The following ST8SIA1 variants were observed in gnomAD, a reference collection of about 807,000 sequenced individuals.
ST8SIA1 encodes ST8 alpha-N-acetyl-neuraminide alpha-2,8-sialyltransferase 1.
A neutral mutation model predicts 35.9 loss-of-function variants in ST8SIA1; 16 were observed. The ratio of observed to expected loss-of-function variants is 0.45; its 90% CI spans 0.30 to 0.68. The LOEUF (loss-of-function observed/expected upper bound fraction) is 0.68. Ranked by LOEUF, ST8SIA1 falls within the 30% of genes least tolerant of loss-of-function variation. The pLI is 0.09. For missense variants in ST8SIA1, 383 were observed against 453.6 expected (o/e 0.84, Z 1.41); for synonymous variants, 170 against 169.6 (o/e 1.00, Z -0.02).
rs537473651 is a variant in ST8SIA1 at position 22,334,293 on chromosome 12, C to T, written c.-61G>A. The T allele has an allele frequency of 1.7e-5, 24 of 1,383,420 alleles. No individual in the cohort carries two copies. The African/African-American group carries it at 3.4e-4, about 20-fold the overall frequency. The allele number at this position is 1,383,420 out of a possible 1,614,324, so 85.7% of individuals were successfully genotyped here. A position where few individuals can be genotyped will look rare whatever the true frequency, so the allele number is the denominator to read the frequency against. On this transcript the variant is annotated 5_prime_UTR_variant, in exon 1 of 5. Coordinates refer to ENST00000396037, the MANE Select transcript of ST8SIA1 (RefSeq NM_003034.4). ...CTCAGCACAAAGCTAGGCGAAGTGG[C>T]AGCGGAGGGTCCCCCACCGCCAGCC...
chr12:22,217,209 T>C (rs1170229201), intron 4 of ST8SIA1, among the ~76,000 whole-genome samples: 1 of 152,238 alleles, frequency 6.6e-6, no homozygotes, highest in Non-Finnish European at 1.5e-5. Context: ...TCATCTCTTA[T>C]GGTCTCTCCC....
chr12:22,280,073 C>A (rs1866015862), intron 2 of ST8SIA1, among the ~76,000 whole-genome samples: 1 of 152,116 alleles, frequency 6.6e-6, no homozygotes, highest in African/African-American at 2.4e-5. Context: ...ATTAATTAAG[C>A]CAGAGAAAAT....
At chr12:22,306,296 T>A (rs1316460303) in intron 1 of ST8SIA1, among the ~76,000 whole-genome samples, 1 of 152,190 alleles carries the variant, frequency 6.6e-6, no homozygotes, top group African/African-American at 2.4e-5. Flanking sequence ...CTTGGCAAAA[T>A]CAACTTTCTA....
chr12:22,323,656 CATGGAATACT>C (rs1360364344), intron 1 of ST8SIA1, among the ~76,000 whole-genome samples: 1 of 152,172 alleles, frequency 6.6e-6, no homozygotes, highest in African/African-American at 2.4e-5. Context: ...ACGTATACAC[CATGGAATACT>C]ATGCAGCCAT....
At chr12:22,312,902 T>A (rs1866470194) in intron 1 of ST8SIA1, among the ~76,000 whole-genome samples, 1 of 152,182 alleles carries the variant, frequency 6.6e-6, no homozygotes, top group Non-Finnish European at 1.5e-5. Flanking sequence ...CTTTCATTTC[T>A]TGTGAATTAC....
intron 2 of ST8SIA1, among the ~76,000 whole-genome samples, chr12:22,260,406 C>T (rs773004526): frequency 1.3e-5 from 2 of 152,152 alleles, no homozygotes; most frequent in African/African-American, 2.4e-5. Flanking sequence ...GCAGTCTGCT[C>T]GCCTCAGCGT....
intron 1 of ST8SIA1, among the ~76,000 whole-genome samples, chr12:22,303,800 C>T (rs1183823334): frequency 6.7e-6 from 1 of 149,636 alleles, no homozygotes; most frequent in East Asian, 2.0e-4. Context: ...TGGGAAAAGG[C>T]CTCTGAAGTG....
chr12:22,325,296 T>C, intron 1 of ST8SIA1: 3 of 589,220 alleles, frequency 5.1e-6, no homozygotes, highest in East Asian at 2.9e-5. Flanking sequence ...AAGGCCCTTT[T>C]CTCATTGTGG....
chr12:22,280,141 G>A (rs1035606553), intron 2 of ST8SIA1, among the ~76,000 whole-genome samples: 1 of 152,224 alleles, frequency 6.6e-6, no homozygotes, highest in African/African-American at 2.4e-5. Context: ...GCATTTAAGC[G>A]ACTCCTAATA....
intron 4 of ST8SIA1, among the ~76,000 whole-genome samples, chr12:22,238,170 C>A (rs577401085): frequency 5.9e-5 from 9 of 152,158 alleles, no homozygotes; most frequent in East Asian, 3.9e-4. Context: ...AACTCCCCCC[C>A]CAACAAGAGG....
intron 1 of ST8SIA1, among the ~76,000 whole-genome samples, chr12:22,326,768 A>C (rs1166421322): frequency 5.3e-5 from 8 of 152,208 alleles, no homozygotes; most frequent in African/African-American, 1.9e-4. Flanking sequence ...GATGCAACAA[A>C]GGTACAGAGA....
At chr12:22,300,325 C>G (rs1866303045) in intron 1 of ST8SIA1, among the ~76,000 whole-genome samples, 1 of 152,094 alleles carries the variant, frequency 6.6e-6, no homozygotes, top group Non-Finnish European at 1.5e-5. Context: ...GGTCCAGGGA[C>G]TATTGCAGAA....
At chr12:22,300,954 T>G (rs1284356022) in intron 1 of ST8SIA1, among the ~76,000 whole-genome samples, 1 of 152,150 alleles carries the variant, frequency 6.6e-6, no homozygotes, top group Non-Finnish European at 1.5e-5. Context: ...TTGGGTTGTA[T>G]TTGTATAAAT....
At chr12:22,254,713 T>C (rs1865709772) in intron 3 of ST8SIA1, among the ~76,000 whole-genome samples, 1 of 152,230 alleles carries the variant, frequency 6.6e-6, no homozygotes, top group East Asian at 1.9e-4. Context: ...GGGCCTCCTG[T>C]TTTTCCTGGA....
At position 22,231,578 on chromosome 12, in the gene ST8SIA1, A is replaced by AT. The variant is rs201836140; in HGVS notation, c.584+17427dup. On this transcript the variant is annotated intron_variant, in intron 4 of 4. Transcript: ENST00000396037. ...AAGATTTTTATTTTTATTTTTGTTT[A>AT]TTATTTTTTTTTTGAGATGGAGTCT... 7.9e-5 allele frequency among the ~76,000 whole-genome samples: 12 copies of AT among 151,596 alleles called. No homozygotes were observed. The South Asian group carries it at 1.5e-3, about 19-fold the overall frequency.
chr12:22,270,065 T>A (rs1023185546), intron 2 of ST8SIA1, among the ~76,000 whole-genome samples: 7 of 152,194 alleles, frequency 4.6e-5, no homozygotes, highest in Non-Finnish European at 7.4e-5. Context: ...TAGGTTGTAA[T>A]CATTTTGTAG....
At chr12:22,294,460 T>G (rs149483511) in intron 1 of ST8SIA1, among the ~76,000 whole-genome samples, 1 of 152,364 alleles carries the variant, frequency 6.6e-6, no homozygotes, top group East Asian at 1.9e-4. Flanking sequence ...ATTAGATTAT[T>G]GCTTCAAAAT....
chr12:22,290,997 A>T (rs1163672612), intron 1 of ST8SIA1, among the ~76,000 whole-genome samples: 1 of 152,204 alleles, frequency 6.6e-6, no homozygotes, highest in African/African-American at 2.4e-5. Context: ...ATTGCTTTTT[A>T]TTTGAATTCA....
chr12:22,286,547 T>TC (rs753710717), intron 2 of ST8SIA1: 1 of 517,134 alleles, frequency 1.9e-6, no homozygotes, highest in Non-Finnish European at 3.9e-6. Context: ...ATTTCCCTTT[T>TC]CCCCCCTCTT....
Sources: gnomAD v4.1 joint callset for allele counts (sites outside exome capture counted in the v4.1 genomes callset) on GRCh38, gnomAD v4.1.1 for gene constraint, MANE v1.5 for transcripts, NCBI Gene and HGNC (gene_info 2026-07-23, HGNC 2026-07-21) for gene names.